Variants in TENM3 observed in about 807,000 individuals in gnomAD.
TENM3 encodes teneurin transmembrane protein 3, also known as teneurin-3.
Under a neutral mutation model 255.1 loss-of-function variants are expected in TENM3, and 63 were observed. The observed-to-expected ratio is 0.25, with a 90% CI of 0.20 to 0.30. The LOEUF (loss-of-function observed/expected upper bound fraction) is 0.30. TENM3 is among the 10% of genes least tolerant of loss of function. The pLI is 1.00. For missense variants in TENM3, 2,929 were observed against 3,461.1 expected, an observed-to-expected ratio of 0.85 and a Z score of 3.86; for synonymous variants, 1,306 against 1,322.3, an observed-to-expected ratio of 0.99 and a Z score of 0.27.
chr4:182,169,947 G>A (rs1751989244), intron 1 of TENM3, among the ~76,000 whole-genome samples: 1 of 151,624 alleles, frequency 6.6e-6, no homozygotes, highest in Non-Finnish European at 1.5e-5. Flanking sequence ...AGTTTATAAA[G>A]TGAATCGCTT....
At chr4:182,173,431 T>C (rs1343615183) in intron 1 of TENM3, among the ~76,000 whole-genome samples, 1 of 152,122 alleles carries the variant, frequency 6.6e-6, no homozygotes, top group Non-Finnish European at 1.5e-5. Flanking sequence ...AATTTGTCCC[T>C]GGAAAGAGAT....
At chr4:181,916,703 C>T in the TENM3 span, among the ~76,000 whole-genome samples, 1 of 152,094 alleles carries the variant, frequency 6.6e-6, no homozygotes, top group South Asian at 2.1e-4. Context: ...ATGGTGAAAC[C>T]CCGTCTCTAC....
chr4:182,064,607 T>G, the TENM3 span, among the ~76,000 whole-genome samples: 1 of 151,924 alleles, frequency 6.6e-6, no homozygotes, highest in South Asian at 2.1e-4. Context: ...TTGACTTCAT[T>G]GAGTAACCAA....
At chr4:181,977,177 T>G in the TENM3 span, among the ~76,000 whole-genome samples, 3 of 152,176 alleles carry the variant, frequency 2.0e-5, no homozygotes, top group Admixed American at 2.0e-4. Flanking sequence ...TTTGGTTTCC[T>G]CAACTGTGAA....
At chr4:181,461,460 A>T in the TENM3 span, among the ~76,000 whole-genome samples, 1 of 151,946 alleles carries the variant, frequency 6.6e-6, no homozygotes. Context: ...ATTTCTTCAA[A>T]TTTTTTCTAT....
At chr4:181,763,814 T>A in the TENM3 span, among the ~76,000 whole-genome samples, 1 of 152,242 alleles carries the variant, frequency 6.6e-6, no homozygotes, top group African/African-American at 2.4e-5. Context: ...ATCAGGTTAC[T>A]GTTTATTACA....
chr4:181,475,380 T>C, the TENM3 span, among the ~76,000 whole-genome samples: 1 of 152,198 alleles, frequency 6.6e-6, no homozygotes, highest in Non-Finnish European at 1.5e-5. Flanking sequence ...GCAATTGCTG[T>C]TGCATAATTG....
the TENM3 span, among the ~76,000 whole-genome samples, chr4:182,134,097 G>A: frequency 2.6e-5 from 4 of 152,086 alleles, no homozygotes; most frequent in African/African-American, 9.7e-5. Context: ...GATAGTTAGA[G>A]CATATTTGTC....
chr4:182,800,772 T>C lies in TENM3; in HGVS notation c.*421T>C, dbSNP rs1180100030. On this transcript the variant is annotated 3_prime_UTR_variant, in exon 28 of 28. Coordinates refer to ENST00000511685, the MANE Select transcript of TENM3 (RefSeq NM_001080477.4). ...AGTAGTCTGTCTGCATAGGATGTGA[T>C]AGCTATCTCTGTTCATTTTACAATG... is the stretch of plus-strand genomic sequence containing the variant. The C allele has an allele frequency of 6.4e-6, 1 of 155,756 alleles. No homozygotes were observed. The highest frequency in any genetic ancestry group is 1.4e-5 in the Non-Finnish European group (1 of 69,848). The allele number at this position is 155,756 out of a possible 1,614,324, so 9.6% of individuals were successfully genotyped here. A position where few individuals can be genotyped will look rare whatever the true frequency, so the allele number is the denominator to read the frequency against.
chr4:181,653,866 C>T, the TENM3 span, among the ~76,000 whole-genome samples: 25 of 151,922 alleles, frequency 1.6e-4, no homozygotes, highest in Non-Finnish European at 3.7e-4. Context: ...CTCCCCTTTC[C>T]CCCGACCCAG....
the TENM3 span, among the ~76,000 whole-genome samples, chr4:181,468,980 T>C: frequency 6.6e-6 from 1 of 152,222 alleles, no homozygotes; most frequent in Non-Finnish European, 1.5e-5. Flanking sequence ...ATGTAAGATG[T>C]CAACCTGGAT....
intron 3 of TENM3, among the ~76,000 whole-genome samples, chr4:182,412,745 G>A (rs1000356994): frequency 2.6e-5 from 4 of 151,418 alleles, no homozygotes; most frequent in Non-Finnish European, 5.9e-5. Context: ...CTCACCTGTA[G>A]TCGCAGCTAC....
At chr4:181,602,069 AGTG>A in the TENM3 span, among the ~76,000 whole-genome samples, 1 of 152,332 alleles carries the variant, frequency 6.6e-6, no homozygotes, top group South Asian at 2.1e-4. Context: ...TTAGGTCTCC[AGTG>A]GACAAATCTT....
At chr4:182,015,909 C>G in the TENM3 span, among the ~76,000 whole-genome samples, 1 of 152,130 alleles carries the variant, frequency 6.6e-6, no homozygotes, top group Admixed American at 6.6e-5. Flanking sequence ...TTAGAGAAAA[C>G]CATCATTAAC....
the TENM3 span, among the ~76,000 whole-genome samples, chr4:181,883,502 G>A: frequency 2.0e-4 from 31 of 152,182 alleles, no homozygotes; most frequent in African/African-American, 7.2e-4. Flanking sequence ...GCGGAGTCTC[G>A]CTCTGTCTGT....
rs556840386 is a variant in TENM3, at chr4:182,688,305, C to A, written c.2175C>A (p.Gly725=). The A allele has an allele frequency of 6.2e-7, 1 of 1,613,856 alleles. No individual in the cohort carries two copies. The highest frequency in any genetic ancestry group is 1.1e-5 in the South Asian group (1 of 91,050). The change falls in exon 12 of 28, where the codon GGC becomes GGA. Residue 725 remains glycine, a synonymous_variant. Transcript: ENST00000511685. ...RCAEHGTCKD[G]KCECSQGWNG... ...CCGAGCACGGGACCTGCAAGGATGG[C>A]AAGTGTGAATGCAGCCAGGGCTGGA...
At chr4:181,781,227 CACA>C in the TENM3 span, among the ~76,000 whole-genome samples, 5 of 152,284 alleles carry the variant, frequency 3.3e-5, no homozygotes, top group African/African-American at 7.2e-5. Flanking sequence ...TGGCCATTTT[CACA>C]ACATTGATTC....
intron 4 of TENM3, among the ~76,000 whole-genome samples, chr4:182,616,274 A>G (rs1005834217): frequency 7.3e-5 from 11 of 150,610 alleles, no homozygotes; most frequent in Non-Finnish European, 3.0e-5. Flanking sequence ...ATTACCACCT[A>G]TGAGTGAGAA....
At chr4:181,668,056 A>T in the TENM3 span, among the ~76,000 whole-genome samples, 1 of 152,200 alleles carries the variant, frequency 6.6e-6, no homozygotes, top group East Asian at 1.9e-4. Flanking sequence ...AAGAATTTTT[A>T]TCTGTATGAG....
Sources: allele counts gnomAD v4.1 joint callset (sites outside exome capture counted in the v4.1 genomes callset), GRCh38; gene constraint gnomAD v4.1.1; transcripts MANE v1.5; gene names NCBI Gene and HGNC (gene_info 2026-07-23, HGNC 2026-07-21).